Variants in PKN2 observed in about 807,000 individuals in gnomAD.
The protein encoded by PKN2 is protein kinase N2.
In PKN2, 38 loss-of-function variants were observed where a neutral mutation model predicts 119.1. The ratio of observed to expected loss-of-function variants is 0.32; its 90% CI spans 0.25 to 0.42. The LOEUF is 0.42. PKN2 is among the 10% of genes least tolerant of loss of function. The pLI is 1.00. For missense variants in PKN2, 850 were observed against 1,165.1 expected (o/e 0.73, Z 3.94); for synonymous variants, 390 against 384.9 (o/e 1.01, Z -0.15).
intron 3 of PKN2, among the ~76,000 whole-genome samples, chr1:88,765,319 T>G (rs868093986): frequency 6.6e-6 from 1 of 151,854 alleles, no homozygotes; most frequent in Admixed American, 6.6e-5. Context: ...TGTTTATATA[T>G]TCAGGCAGTA....
chr1:88,811,578 A>G (rs994880412), intron 15 of PKN2, among the ~76,000 whole-genome samples: 1 of 152,194 alleles, frequency 6.6e-6, no homozygotes, highest in Non-Finnish European at 1.5e-5. Flanking sequence ...CATAGTACAT[A>G]TAGTGTACTA....
At chr1:88,791,347 G>A (rs992337226) in intron 8 of PKN2, among the ~76,000 whole-genome samples, 7 of 150,986 alleles carry the variant, frequency 4.6e-5, no homozygotes, top group African/African-American at 9.8e-5. Context: ...TGAGGCATGC[G>A]AATTGCTTAA....
chr1:88,755,131 G>A (rs1669147939), intron 2 of PKN2, among the ~76,000 whole-genome samples: 1 of 152,050 alleles, frequency 6.6e-6, no homozygotes, highest in Non-Finnish European at 1.5e-5. Context: ...ATTTTACAGA[G>A]TTTTTAAAAA....
At chr1:88,772,693 G>C (rs1669944563) in intron 6 of PKN2, among the ~76,000 whole-genome samples, 1 of 152,040 alleles carries the variant, frequency 6.6e-6, no homozygotes, top group Non-Finnish European at 1.5e-5. Context: ...TATATTCCTA[G>C]GAATATAATT....
chr1:88,815,054 T>C (rs1312362820), intron 16 of PKN2, among the ~76,000 whole-genome samples: 1 of 152,214 alleles, frequency 6.6e-6, no homozygotes, highest in Non-Finnish European at 1.5e-5. Context: ...AGCCAGAAAG[T>C]AGTAGAAGGC....
chr1:88,799,401 A>G (rs560821458), intron 8 of PKN2, among the ~76,000 whole-genome samples: 2 of 152,262 alleles, frequency 1.3e-5, no homozygotes, highest in East Asian at 3.9e-4. Context: ...AACTGAAAAC[A>G]TATATTATTG....
At chr1:88,760,046 G>GTTTT (rs11358635) in intron 2 of PKN2, among the ~76,000 whole-genome samples, 176 bp from the exon 3 acceptor site, 1 of 135,764 alleles carries the variant, frequency 7.4e-6, no homozygotes, top group African/African-American at 2.6e-5. Context: ...TCAGATACGT[G>GTTTT]TTTTTTTTTT....
At chr1:88,731,131 A>G (rs1668129678) in intron 1 of PKN2, among the ~76,000 whole-genome samples, 1 of 152,338 alleles carries the variant, frequency 6.6e-6, no homozygotes, top group South Asian at 2.1e-4. Context: ...CTAGAACTCA[A>G]TGCATGTTTT....
intron 15 of PKN2, among the ~76,000 whole-genome samples, chr1:88,813,304 C>A (rs754996753): frequency 6.6e-6 from 1 of 152,062 alleles, no homozygotes; most frequent in Non-Finnish European, 1.5e-5. Context: ...TAACCACTAA[C>A]CATGTATGTG....
At position 88,684,611 on chromosome 1, in the gene PKN2, C is replaced by G; in HGVS notation, c.31C>G (p.Leu11Val). The G allele has an allele frequency of 6.4e-7, 1 of 1,565,544 alleles. No homozygotes were observed. The highest frequency in any genetic ancestry group is 1.8e-5 in the Admixed American group (1 of 54,206). The change falls in exon 1 of 22, where the codon CTG (leucine) becomes GTG (valine). Residue 11 changes from leucine to valine, a missense_variant. By Grantham distance (32) the Leu-to-Val change is conservative. Coordinates refer to ENST00000370521, the MANE Select transcript of PKN2 (RefSeq NM_006256.4). ...GTCCAACCCCGAACGGGGGGAGATT[C>G]TGCTCACGGAACTGCAGGTAAGGGC... The part of the protein sequence containing the change: MASNPERGEI[L>V]LTELQGDSRS...
intron 15 of PKN2, among the ~76,000 whole-genome samples, chr1:88,808,930 C>A (rs1671670925): frequency 1.3e-5 from 2 of 152,120 alleles, no homozygotes; most frequent in Admixed American, 1.3e-4. Flanking sequence ...CTTTAAGCCC[C>A]AGTTAACTCA....
At chr1:88,772,699 T>C (rs1379862739) in intron 6 of PKN2, among the ~76,000 whole-genome samples, 12 of 152,208 alleles carry the variant, frequency 7.9e-5, no homozygotes, top group Admixed American at 7.8e-4. Flanking sequence ...CCTAGGAATA[T>C]AATTGCTAGG....
intron 1 of PKN2, among the ~76,000 whole-genome samples, chr1:88,705,754 G>T (rs1290129052): frequency 6.6e-6 from 1 of 151,906 alleles, no homozygotes; most frequent in African/African-American, 2.4e-5. Context: ...ATCTTTGTCA[G>T]AAAATCAGTT....
chr1:88,775,856 A>C (rs1168083254), intron 6 of PKN2, among the ~76,000 whole-genome samples: 3 of 152,218 alleles, frequency 2.0e-5, no homozygotes, highest in Non-Finnish European at 4.4e-5. Flanking sequence ...CTGTAATCTC[A>C]GCACTTTGGG....
intron 1 of PKN2, among the ~76,000 whole-genome samples, chr1:88,699,931 C>T (rs112509426): frequency 2.2e-4 from 33 of 152,016 alleles, no homozygotes; most frequent in Admixed American, 9.8e-4. Context: ...TACAGGTATG[C>T]GCCACCACAC....
At chr1:88,746,290 T>G (rs992939878) in intron 2 of PKN2, among the ~76,000 whole-genome samples, 2 of 152,066 alleles carry the variant, frequency 1.3e-5, no homozygotes, top group African/African-American at 4.8e-5. Flanking sequence ...AATTGGAAAC[T>G]TCTGCACAGC....
intron 3 of PKN2, among the ~76,000 whole-genome samples, chr1:88,767,892 T>C (rs1669729321): frequency 6.6e-6 from 1 of 152,204 alleles, no homozygotes; most frequent in African/African-American, 2.4e-5. Flanking sequence ...ATAGTGTGTG[T>C]TTGATTTATT....
chr1:88,755,669 G>A (rs565499586), intron 2 of PKN2, among the ~76,000 whole-genome samples: 11 of 152,106 alleles, frequency 7.2e-5, no homozygotes, highest in East Asian at 3.9e-4. Context: ...TACAGTAACC[G>A]TCAATTTGTG....
chr1:88,816,311 G>A (rs1014610824), intron 16 of PKN2, among the ~76,000 whole-genome samples: 1 of 151,922 alleles, frequency 6.6e-6, no homozygotes, highest in Admixed American at 6.6e-5. Flanking sequence ...CAGTGGCACC[G>A]TCTTGGCTCA....
Sources: allele counts gnomAD v4.1 joint callset (sites outside exome capture counted in the v4.1 genomes callset), GRCh38; gene constraint gnomAD v4.1.1; transcripts MANE v1.5; gene names NCBI Gene and HGNC (gene_info 2026-07-23, HGNC 2026-07-21).